The following LIN52 variants were observed in gnomAD, a reference collection of about 807,000 sequenced individuals.
LIN52 encodes the protein lin-52 DREAM MuvB core complex component.
LIN52 carries 4 observed loss-of-function variants against 18.5 expected under a neutral mutation model. That is an observed-to-expected ratio of 0.22 (90% CI 0.11 to 0.49). The LOEUF (loss-of-function observed/expected upper bound fraction) is 0.49. LIN52 is among the 20% of genes least tolerant of loss of function. LIN52 has a pLI of 0.97. For missense variants in LIN52, 102 were observed against 139.5 expected (o/e 0.73, Z 1.35); for synonymous variants, 34 against 45.5 (o/e 0.75, Z 1.02).
chr14:74,156,875 A>G (rs1457935300), intron 5 of LIN52, among the ~76,000 whole-genome samples: 2 of 152,046 alleles, frequency 1.3e-5, no homozygotes, highest in Admixed American at 6.6e-5. Flanking sequence ...TAGCTTTTAC[A>G]TATGAGTGAG....
intron 1 of LIN52, among the ~76,000 whole-genome samples, chr14:74,089,370 A>ATTTT (rs71460953): frequency 7.0e-6 from 1 of 142,332 alleles, no homozygotes; most frequent in Non-Finnish European, 1.5e-5. Context: ...TTAAGTGGGG[A>ATTTT]TTTTTTTTTT....
At chr14:74,180,490 C>T (rs1330380245) in intron 5 of LIN52, among the ~76,000 whole-genome samples, 1 of 151,676 alleles carries the variant, frequency 6.6e-6, no homozygotes, top group Non-Finnish European at 1.5e-5. Context: ...GATCTCCTGA[C>T]CTCGTGATCC....
At chr14:74,193,249 A>C (rs1477364339) in intron 5 of LIN52, among the ~76,000 whole-genome samples, 1 of 93,930 alleles carries the variant, frequency 1.1e-5, no homozygotes, top group African/African-American at 5.4e-5. Flanking sequence ...TGTCTCCACA[A>C]AAAAAAAAAA....
chr14:74,150,489 A>T (rs2061171832), intron 5 of LIN52, among the ~76,000 whole-genome samples: 1 of 152,184 alleles, frequency 6.6e-6, no homozygotes, highest in Admixed American at 6.5e-5. Flanking sequence ...GAGCTAATCC[A>T]TGGTGATACA....
Position 74,094,935 on chromosome 14 carries a change from C to G in LIN52, c.95-1013C>G, listed in dbSNP as rs141894356. On this transcript the variant is annotated intron_variant, in intron 2 of 5. Coordinates refer to ENST00000555028, the MANE Select transcript of LIN52 (RefSeq NM_001024674.3). The stretch of plus-strand genomic sequence containing the variant: ...TAGAGACGGGGTTTCACTGTGTTGC[C>G]CAGGCTGGTCTCCAACTCCTGAGCT... Among the ~76,000 whole-genome samples the G allele has an allele frequency of 6.9e-3, 1,046 of 151,774 alleles. 15 individuals are homozygous for G. Among genetic ancestry groups the G allele is most frequent in the African/African-American group, 0.024 (1,007 of 41,378 alleles).
intron 5 of LIN52, among the ~76,000 whole-genome samples, chr14:74,156,797 C>T (rs190989666): frequency 3.3e-5 from 5 of 152,198 alleles, no homozygotes; most frequent in Non-Finnish European, 5.9e-5. Flanking sequence ...CCCATCTTTA[C>T]CTCTCCCCTC....
intron 2 of LIN52, among the ~76,000 whole-genome samples, chr14:74,095,360 C>G (rs1391265668): frequency 6.6e-6 from 1 of 151,814 alleles, no homozygotes; most frequent in Non-Finnish European, 1.5e-5. Flanking sequence ...GTCTCCAACT[C>G]CTGAGCTCGA....
intron 5 of LIN52, among the ~76,000 whole-genome samples, chr14:74,135,088 C>G (rs1275362809): frequency 1.3e-5 from 2 of 152,068 alleles, no homozygotes; most frequent in Admixed American, 6.6e-5. Context: ...TGTTTTGAGA[C>G]AGAGTCTTGC....
At chr14:74,178,151 A>G (rs1048619671) in intron 5 of LIN52, among the ~76,000 whole-genome samples, 1 of 152,222 alleles carries the variant, frequency 6.6e-6, no homozygotes, top group Non-Finnish European at 1.5e-5. Context: ...TGCGAGAAAG[A>G]ATCTATACAC....
intron 5 of LIN52, among the ~76,000 whole-genome samples, chr14:74,170,741 G>A (rs11159067): frequency 0.6 from 91,453 of 151,678 alleles, 28,628 homozygotes; most frequent in Admixed American, 0.68. Flanking sequence ...AAACTGTCCA[G>A]AATTAAGTAC....
chr14:74,130,278 G>GTTTTTTTTTTGTTTTTTTTTTTTTTTT (rs1566856483), intron 5 of LIN52, among the ~76,000 whole-genome samples: 1 of 64,840 alleles, frequency 1.5e-5, no homozygotes, highest in African/African-American at 6.3e-5. Context: ...GCATTTTTTG[G>GTTTTTTTTTTGTTTTTTTTTTTTTTTT]TTTTTTTTTT....
At chr14:74,103,743 T>G (rs1270852364) in intron 5 of LIN52, among the ~76,000 whole-genome samples, 14 of 82,334 alleles carry the variant, frequency 1.7e-4, no homozygotes, top group African/African-American at 6.4e-4. Context: ...GTTTTTTTTT[T>G]TTTTTTTTTT....
chr14:74,086,129 T>G lies in LIN52; in HGVS notation c.19+1136T>G, dbSNP rs1006292716. On this transcript the variant is annotated intron_variant, in intron 1 of 5. Transcript: ENST00000555028. ...TTATTCATTATCTCAGTATCTTCCT[T>G]GTCAGCATAGTTACTCTGTTAACTT... Among the ~76,000 whole-genome samples, 3 of 152,200 alleles carry G rather than the reference T, an allele frequency of 2.0e-5. No homozygotes were observed. The South Asian group carries it at 6.2e-4, about 31-fold the overall frequency.
At chr14:74,179,699 C>T (rs1289603160) in intron 5 of LIN52, among the ~76,000 whole-genome samples, 2 of 150,448 alleles carry the variant, frequency 1.3e-5, no homozygotes, top group Non-Finnish European at 3.0e-5. Flanking sequence ...TCTAATTCTT[C>T]GGCTAAATGT....
intron 5 of LIN52, among the ~76,000 whole-genome samples, chr14:74,105,508 G>C (rs967258361): frequency 6.6e-6 from 1 of 152,092 alleles, no homozygotes; most frequent in Non-Finnish European, 1.5e-5. Context: ...TTACATTGAT[G>C]TGTATTGAAC....
chr14:74,176,558 G>A (rs758189486), intron 5 of LIN52, among the ~76,000 whole-genome samples: 2 of 152,056 alleles, frequency 1.3e-5, no homozygotes, highest in Non-Finnish European at 2.9e-5. Context: ...TTATATGACT[G>A]TCAGCACAGT....
chr14:74,103,756 T>G lies in LIN52; in HGVS notation c.283+2518T>G, dbSNP rs2060878002. ...CAGTTTTTTTTTTTTTTTTTTTTTT[T>G]TTTTTTTTTTTTTAAGAGACTGGGT... On this transcript the variant is annotated intron_variant, in intron 5 of 5. Transcript: ENST00000555028. 2.8e-5 allele frequency among the ~76,000 whole-genome samples: 4 copies of G among 143,168 alleles called. No homozygotes were observed. In the South Asian group the frequency reaches 6.8e-4, roughly 24 times the overall value. The allele number at this position is 143,168 out of a possible 152,430, so 93.9% of individuals were successfully genotyped here.
At chr14:74,188,530 A>G (rs2061350027) in intron 5 of LIN52, among the ~76,000 whole-genome samples, 1 of 151,922 alleles carries the variant, frequency 6.6e-6, no homozygotes, top group Admixed American at 6.6e-5. Flanking sequence ...AAAAATAAAT[A>G]ATCTCAGCCC....
At chr14:74,141,653 G>A (rs116140046) in intron 5 of LIN52, among the ~76,000 whole-genome samples, 2 of 152,210 alleles carry the variant, frequency 1.3e-5, no homozygotes, top group African/African-American at 4.8e-5. Context: ...GGGAGGTAGT[G>A]TGAGTCTTGT....
Sources: allele counts gnomAD v4.1 joint callset (sites outside exome capture counted in the v4.1 genomes callset), GRCh38; gene constraint gnomAD v4.1.1; transcripts MANE v1.5; gene names NCBI Gene and HGNC (gene_info 2026-07-23, HGNC 2026-07-21).